Variants in ARFIP1 observed in about 807,000 individuals in gnomAD.
ARFIP1 encodes ARF interacting protein 1.
A neutral mutation model predicts 42.5 loss-of-function variants in ARFIP1; 24 were observed. That is an observed-to-expected ratio of 0.57 (90% CI 0.41 to 0.80). The LOEUF (loss-of-function observed/expected upper bound fraction) is 0.80, where lower values mean the gene tolerates loss of function less well. Ranked by LOEUF, ARFIP1 falls within the 30% of genes least tolerant of loss-of-function variation. The probability of loss-of-function intolerance (pLI) is 0.00; values close to 1 mark genes in which losing one functional copy is unlikely to be tolerated. For synonymous variants in ARFIP1, 141 were observed against 153.7 expected (o/e 0.92, Z 0.61); for missense variants, 354 against 434.0 (o/e 0.82, Z 1.64).
At position 152,788,696 on chromosome 4, in the gene ARFIP1, A is replaced by G. The variant is rs149808089; in HGVS notation, c.-10+8470A>G. Among the ~76,000 whole-genome samples, 3 of 152,298 alleles carry G rather than the reference A, an allele frequency of 2.0e-5. No homozygotes were observed. The East Asian group carries it at 5.8e-4, about 29-fold the overall frequency. ...ACTCCATCTCAAAAAAACAAAAACA[A>G]AAACATACTACATTAGCATAGTACA... On this transcript the variant is annotated intron_variant, in intron 1 of 8. Transcript: ENST00000353617.
chr4:152,832,955 A>G (rs1034476576), intron 2 of ARFIP1, among the ~76,000 whole-genome samples: 3 of 152,234 alleles, frequency 2.0e-5, no homozygotes, highest in Admixed American at 2.0e-4. Context: ...AGAAGAAAAC[A>G]TAGGGGAGAA....
rs73865243 is a variant in ARFIP1, at chr4:152,793,819, G to A, written c.-10+13593G>A. On this transcript the variant is annotated intron_variant, in intron 1 of 8. Transcript: ENST00000353617. ...CTCATTGGTGCTGTTTTATACAGGCGGTCAAATGATAACTCCTATTTCACA... is the reference window on the plus strand; with the variant it reads ...CTCATTGGTGCTGTTTTATACAGGCAGTCAAATGATAACTCCTATTTCACA... Among the ~76,000 whole-genome samples, 678 of 152,102 alleles carry A rather than the reference G, an allele frequency of 4.5e-3. 5 individuals carry two copies. The highest frequency in any genetic ancestry group is 0.015 in the African/African-American group (633 of 41,496).
intron 4 of ARFIP1, among the ~76,000 whole-genome samples, chr4:152,872,091 T>TA (rs1734932314): frequency 6.6e-6 from 1 of 152,180 alleles, no homozygotes; most frequent in African/African-American, 2.4e-5. Context: ...TCGACCAAGA[T>TA]ACTTCTTTTT....
At chr4:152,863,490 G>A (rs913671084) in intron 2 of ARFIP1, 116 bp from the exon 3 acceptor site, 3 of 597,446 alleles carry the variant, frequency 5.0e-6, no homozygotes, top group East Asian at 3.0e-5. Context: ...AGGGAATACC[G>A]CATAGCAGAG....
At chr4:152,881,231 A>G (rs1735823422) in intron 6 of ARFIP1, 47 bp downstream of exon 6, 1 of 1,395,198 alleles carries the variant, frequency 7.2e-7, no homozygotes, top group South Asian at 1.2e-5. Flanking sequence ...AAATGATAAT[A>G]GAAGTATTCT....
At chr4:152,887,183 A>G (rs1736330397) in intron 7 of ARFIP1, among the ~76,000 whole-genome samples, 1 of 152,002 alleles carries the variant, frequency 6.6e-6, no homozygotes, top group South Asian at 2.1e-4. Context: ...CTGTTTAATA[A>G]GCAAGATAGT....
At chr4:152,893,846 C>G (rs1005817932) in intron 8 of ARFIP1, among the ~76,000 whole-genome samples, 2 of 152,054 alleles carry the variant, frequency 1.3e-5, no homozygotes, top group Admixed American at 1.3e-4. Flanking sequence ...CATTCCTAAT[C>G]TTAGATTGAT....
At chr4:152,841,900 C>T (rs1732112118) in intron 2 of ARFIP1, among the ~76,000 whole-genome samples, 2 of 152,144 alleles carry the variant, frequency 1.3e-5, no homozygotes, top group Admixed American at 6.5e-5. Context: ...TCGAGGAAAT[C>T]TCAACTGCAC....
chr4:152,843,731 G>T (rs189763903), intron 2 of ARFIP1, among the ~76,000 whole-genome samples: 5 of 152,220 alleles, frequency 3.3e-5, no homozygotes, highest in African/African-American at 9.6e-5. Flanking sequence ...CACGCAGCTC[G>T]CACGCAAACT....
At chr4:152,864,095 C>T (rs62319916) in intron 3 of ARFIP1, among the ~76,000 whole-genome samples, 58,575 of 151,882 alleles carry the variant, frequency 0.39, 12,223 homozygotes, top group Admixed American at 0.5. Flanking sequence ...GAACTTTTTA[C>T]GTTATATAGG....
chr4:152,910,021 A>G, intron 8 of ARFIP1, 43 bp from the exon 9 acceptor site: 2 of 1,588,502 alleles, frequency 1.3e-6, no homozygotes, highest in Non-Finnish European at 1.7e-6. Context: ...TTTTATTGTT[A>G]TTGGTGTTAA....
In ARFIP1 at chr4:152,829,707, G is replaced by A. The variant is rs768949193; in HGVS notation, c.74G>A (p.Arg25His). 4.1e-5 allele frequency: 66 copies of A among 1,608,630 alleles called. No individual in the cohort carries two copies. The highest frequency in any genetic ancestry group is 3.1e-4 in the East Asian group (14 of 44,732). Residue 25 changes from arginine to histidine, a missense_variant, in exon 2 of 9, where the codon CGT (arginine) becomes CAT (histidine). Physicochemically the swap from Arg to His is conservative, Grantham distance 29 (BLOSUM62 0). Coordinates refer to ENST00000353617, the MANE Select transcript of ARFIP1 (RefSeq NM_001025595.3). ...VTSNGEVDDSREHSFNRDLKH... is the reference protein window; with the variant it reads ...VTSNGEVDDSHEHSFNRDLKH... ...AGTAATGGAGAAGTTGATGACTCTC[G>A]TGAACATAGCTTTAATAGGGTAAGA...
At chr4:152,882,998 C>T in intron 7 of ARFIP1, 118 bp downstream of exon 7, 3 of 1,098,796 alleles carry the variant, frequency 2.7e-6, no homozygotes, top group Non-Finnish European at 3.9e-6. Flanking sequence ...AAAAAATGTA[C>T]TGGAAAGTTA....
chr4:152,900,869 T>G (rs1490708037), intron 8 of ARFIP1, among the ~76,000 whole-genome samples: 1 of 152,248 alleles, frequency 6.6e-6, no homozygotes, highest in East Asian at 1.9e-4. Flanking sequence ...TACAACCAGC[T>G]ACTATCCCAA....
At chr4:152,801,548 TTCA>T (rs1331342012) in intron 1 of ARFIP1, among the ~76,000 whole-genome samples, 2 of 152,192 alleles carry the variant, frequency 1.3e-5, no homozygotes, top group Non-Finnish European at 2.9e-5. Flanking sequence ...GCCTTATTCA[TTCA>T]TTTATAATAA....
chr4:152,796,451 T>C lies in ARFIP1; in HGVS notation c.-10+16225T>C, dbSNP rs372531219. ...TCCTGTTTGAATAACTTAATGCTTC[T>C]GTTTCTCCCTGGGCACATACTTTAG... On this transcript the variant is annotated intron_variant, in intron 1 of 8. Coordinates refer to ENST00000353617, the MANE Select transcript of ARFIP1 (RefSeq NM_001025595.3). 2.6e-3 allele frequency: 1,948 copies of C among 737,854 alleles called. 56 individuals are homozygous for C. The South Asian group carries it at 0.028, about 10-fold the overall frequency. 45.7% of individuals were successfully genotyped at this position (737,854 alleles called of 1,614,324 possible).
intron 1 of ARFIP1, among the ~76,000 whole-genome samples, chr4:152,824,078 C>A (rs750816133): frequency 2.2e-4 from 33 of 151,982 alleles, no homozygotes; most frequent in Non-Finnish European, 4.3e-4. Flanking sequence ...TTTGGGAGGC[C>A]AAGGCGGGTG....
intron 2 of ARFIP1, among the ~76,000 whole-genome samples, chr4:152,852,232 A>G: frequency 6.6e-6 from 1 of 152,330 alleles, no homozygotes. Flanking sequence ...AAATGGGTCC[A>G]TTGTCTCTGA....
At chr4:152,880,894 C>T (rs1225796576) in intron 5 of ARFIP1, 69 bp from the exon 6 acceptor site, 1 of 1,243,206 alleles carries the variant, frequency 8.0e-7, no homozygotes, top group Non-Finnish European at 1.2e-6. Context: ...ATGGTGTATG[C>T]CATATGCTCT....
Sources: gnomAD v4.1 joint callset for allele counts (sites outside exome capture counted in the v4.1 genomes callset) on GRCh38, gnomAD v4.1.1 for gene constraint, MANE v1.5 for transcripts, NCBI Gene and HGNC (gene_info 2026-07-23, HGNC 2026-07-21) for gene names.